The following IMMP2L variants were observed in gnomAD, a reference collection of about 807,000 sequenced individuals.
IMMP2L encodes the protein inner mitochondrial membrane peptidase subunit 2, also known as mitochondrial inner membrane protease subunit 2.
IMMP2L carries 18 observed loss-of-function variants against 19.3 expected under a neutral mutation model. The observed-to-expected ratio is 0.93, with a 90% confidence interval of 0.64 to 1.38. IMMP2L has a LOEUF of 1.38. Among genes scored for constraint, IMMP2L ranks in the 40% most tolerant of loss-of-function variants. The probability of loss-of-function intolerance (pLI) is 0.00; values close to 1 mark genes in which losing one functional copy is unlikely to be tolerated. For synonymous variants in IMMP2L, 76 were observed against 73.0 expected, an observed-to-expected ratio of 1.04 and a Z score of -0.21; for missense variants, 233 against 218.2, an observed-to-expected ratio of 1.07 and a Z score of -0.43.
chr7:110,793,983 AAAAAGC>A (rs1800670478), intron 5 of IMMP2L, among the ~76,000 whole-genome samples: 2 of 152,152 alleles, frequency 1.3e-5, no homozygotes, highest in Non-Finnish European at 2.9e-5. Context: ...TTGGAATAGC[AAAAAGC>A]TGACAACTCA....
chr7:111,517,568 G>A (rs1380799878), intron 2 of IMMP2L, among the ~76,000 whole-genome samples: 1 of 152,050 alleles, frequency 6.6e-6, no homozygotes, highest in Non-Finnish European at 1.5e-5. Flanking sequence ...CCCACTGCAG[G>A]AATTCTCACT....
intron 3 of IMMP2L, among the ~76,000 whole-genome samples, chr7:111,318,803 T>C (rs147168175): frequency 4.1e-4 from 63 of 152,256 alleles, no homozygotes; most frequent in African/African-American, 1.4e-3. Flanking sequence ...ACATAATTGG[T>C]ATTATCTATA....
intron 3 of IMMP2L, among the ~76,000 whole-genome samples, chr7:111,387,975 T>TAAAAAAAAA (rs750267136): frequency 5.4e-5 from 5 of 93,394 alleles, no homozygotes; most frequent in African/African-American, 9.2e-5. Flanking sequence ...ACTCTGTCTT[T>TAAAAAAAAA]AAAAAAAAAA....
intron 5 of IMMP2L, among the ~76,000 whole-genome samples, chr7:110,843,547 G>C (rs937929448): frequency 6.6e-6 from 1 of 152,152 alleles, no homozygotes; most frequent in Non-Finnish European, 1.5e-5. Flanking sequence ...GGGTAAATAT[G>C]TCTCAGGCAT....
At chr7:110,678,097 G>A (rs970596227) in intron 5 of IMMP2L, among the ~76,000 whole-genome samples, 2 of 152,080 alleles carry the variant, frequency 1.3e-5, no homozygotes, top group Admixed American at 1.3e-4. Flanking sequence ...ATATAATACA[G>A]GTCCACAGTA....
chr7:111,015,635 G>C (rs1825429777), intron 3 of IMMP2L, among the ~76,000 whole-genome samples: 1 of 152,140 alleles, frequency 6.6e-6, no homozygotes, highest in African/African-American at 2.4e-5. Context: ...CAAATCAGTA[G>C]AGACAGAAAG....
At chr7:110,914,981 C>T (rs973726826) in intron 4 of IMMP2L, among the ~76,000 whole-genome samples, 3 of 152,076 alleles carry the variant, frequency 2.0e-5, no homozygotes, top group African/African-American at 7.2e-5. Flanking sequence ...AACCCTTGTA[C>T]ACTTGGTGGG....
intron 3 of IMMP2L, among the ~76,000 whole-genome samples, chr7:111,194,420 C>G (rs1182456223): frequency 6.6e-6 from 1 of 152,120 alleles, no homozygotes; most frequent in Non-Finnish European, 1.5e-5. Flanking sequence ...TTCCTGAGAT[C>G]CCAGCAGAAT....
intron 3 of IMMP2L, among the ~76,000 whole-genome samples, chr7:111,188,102 T>C (rs543389442): frequency 3.3e-5 from 5 of 152,178 alleles, no homozygotes; most frequent in African/African-American, 9.6e-5. Context: ...TCAGTGCTTA[T>C]AGCTTGCCAG....
intron 3 of IMMP2L, among the ~76,000 whole-genome samples, chr7:111,389,268 T>C (rs1176223044): frequency 6.6e-6 from 1 of 152,032 alleles, no homozygotes; most frequent in Non-Finnish European, 1.5e-5. Context: ...TAAGGCAAGA[T>C]TAATGAAGAT....
At chr7:111,321,294 T>C (rs2130495031) in intron 3 of IMMP2L, among the ~76,000 whole-genome samples, 1 of 152,018 alleles carries the variant, frequency 6.6e-6, no homozygotes, top group South Asian at 2.1e-4. Context: ...AGATTACAAC[T>C]CTATTAAAAT....
At chr7:111,061,392 T>C (rs745963567) in intron 3 of IMMP2L, among the ~76,000 whole-genome samples, 32 of 152,142 alleles carry the variant, frequency 2.1e-4, no homozygotes, top group Admixed American at 1.3e-4. Flanking sequence ...GCAAGGAGGA[T>C]TCATTTTCAA....
intron 5 of IMMP2L, among the ~76,000 whole-genome samples, chr7:110,869,520 G>A (rs1808330918): frequency 1.3e-5 from 2 of 152,076 alleles, no homozygotes; most frequent in Admixed American, 6.6e-5. Context: ...TGTTTAAACA[G>A]TATGTGAACA....
chr7:110,951,761 T>A (rs1008598967), intron 4 of IMMP2L, among the ~76,000 whole-genome samples: 1 of 152,130 alleles, frequency 6.6e-6, no homozygotes, highest in Non-Finnish European at 1.5e-5. Flanking sequence ...TATATCATGC[T>A]ATTCTTCATT....
rs142576739 is a variant in IMMP2L at position 111,014,571 on chromosome 7, C to T, written c.240-51006G>A. ...AAAGCACAGACAACAAAAGCAAAAA[C>T]AGACAAATGGAACTACATCAAACTT... is the stretch of plus-strand genomic sequence containing the variant. On this transcript the variant is annotated intron_variant, in intron 3 of 5. Coordinates refer to ENST00000405709, the MANE Select transcript of IMMP2L (RefSeq NM_032549.4). Among the ~76,000 whole-genome samples the T allele has an allele frequency of 1.8e-3, 268 of 151,992 alleles. 1 individual carries two copies. Among genetic ancestry groups the T allele is most frequent in the African/African-American group, 5.3e-3 (219 of 41,472 alleles).
intron 5 of IMMP2L, among the ~76,000 whole-genome samples, chr7:110,699,969 T>C (rs780284652): frequency 6.6e-6 from 1 of 152,084 alleles, no homozygotes; most frequent in Non-Finnish European, 1.5e-5. Context: ...CCCTCTCTTA[T>C]ACAGTCCATA....
intron 2 of IMMP2L, among the ~76,000 whole-genome samples, chr7:111,506,753 C>CA (rs751879962): frequency 2.6e-5 from 4 of 152,108 alleles, no homozygotes; most frequent in Non-Finnish European, 4.4e-5. Context: ...TGCTGTGGCA[C>CA]AAAGCCCTGA....
chr7:111,117,102 A>G lies in IMMP2L; in HGVS notation c.240-153537T>C, dbSNP rs116200292. Among the ~76,000 whole-genome samples the G allele has an allele frequency of 7.0e-3, 1,069 of 152,256 alleles. 13 individuals carry two copies. The highest frequency in any genetic ancestry group is 0.024 in the African/African-American group (1,001 of 41,556). On this transcript the variant is annotated intron_variant, in intron 3 of 5. Coordinates refer to ENST00000405709, the MANE Select transcript of IMMP2L (RefSeq NM_032549.4). ...CAGGTAACTAATTTGATAGTCTTTA[A>G]AAGCCCCATAATGACTAAAATTCAC...
chr7:111,498,973 T>C (rs1028759787), intron 2 of IMMP2L, among the ~76,000 whole-genome samples: 1 of 152,112 alleles, frequency 6.6e-6, no homozygotes, highest in Admixed American at 6.6e-5. Flanking sequence ...AAAGGATATA[T>C]ACCTTATATC....
Sources: gnomAD v4.1 joint callset for allele counts (sites outside exome capture counted in the v4.1 genomes callset) on GRCh38, gnomAD v4.1.1 for gene constraint, MANE v1.5 for transcripts, NCBI Gene and HGNC (gene_info 2026-07-23, HGNC 2026-07-21) for gene names.